Variants in G3BP2 observed in about 807,000 individuals in gnomAD.
G3BP2 encodes ras GTPase-activating protein-binding protein 2.
G3BP2 carries 11 observed loss-of-function variants against 56.7 expected under a neutral mutation model. The ratio of observed to expected loss-of-function variants is 0.19; its 90% CI spans 0.12 to 0.32. The LOEUF (loss-of-function observed/expected upper bound fraction) is 0.32. G3BP2 is among the 10% of genes least tolerant of loss of function. The pLI, the probability that G3BP2 is intolerant of heterozygous loss-of-function variation, is 1.00. For synonymous variants in G3BP2, 165 were observed against 191.6 expected (o/e 0.86, Z 1.15); for missense variants, 340 against 610.9 (o/e 0.56, Z 4.67).
upstream of G3BP2, among the ~76,000 whole-genome samples, chr4:75,674,479 T>C (rs1293247451): frequency 1.3e-5 from 2 of 151,896 alleles, no homozygotes; most frequent in Non-Finnish European, 2.9e-5. Context: ...TACAATATCT[T>C]TACCTTTAGA....
At chr4:75,723,632 A>G (rs1290578458) in intron 1 of G3BP2, among the ~76,000 whole-genome samples, 4 of 152,200 alleles carry the variant, frequency 2.6e-5, no homozygotes, top group Non-Finnish European at 5.9e-5. Context: ...CAGTGGTACT[A>G]CTGAGCACGG....
chr4:75,703,234 C>T (rs1030707752), intron 3 of G3BP2, among the ~76,000 whole-genome samples: 2 of 152,122 alleles, frequency 1.3e-5, no homozygotes, highest in South Asian at 2.1e-4. Flanking sequence ...TGATCAAACA[C>T]GAGTGTGGTG....
chr4:75,687,343 C>T (rs985443429), intron 3 of G3BP2, among the ~76,000 whole-genome samples: 2 of 152,182 alleles, frequency 1.3e-5, no homozygotes, highest in African/African-American at 4.8e-5. Context: ...TTGCCCTCTG[C>T]CATCCATGTA....
chr4:75,650,760 T>A (rs1731635965), intron 8 of G3BP2, among the ~76,000 whole-genome samples: 1 of 152,148 alleles, frequency 6.6e-6, no homozygotes, highest in Non-Finnish European at 1.5e-5. Context: ...TGGAGTGCAG[T>A]GGCACAATCA....
chr4:75,719,155 C>T (rs1720045274), intron 3 of G3BP2, among the ~76,000 whole-genome samples: 2 of 151,556 alleles, frequency 1.3e-5, no homozygotes, highest in African/African-American at 2.4e-5. Context: ...GAGACCATCC[C>T]GGCTAAAACG....
intron 8 of G3BP2, among the ~76,000 whole-genome samples, chr4:75,653,240 T>TA (rs1250618114): frequency 6.6e-6 from 1 of 152,204 alleles, no homozygotes; most frequent in African/African-American, 2.4e-5. Context: ...TACATTTATA[T>TA]ACTAACATTT....
chr4:75,671,458 G>C (rs1436447035), intron 1 of G3BP2, among the ~76,000 whole-genome samples: 2 of 152,282 alleles, frequency 1.3e-5, no homozygotes, highest in East Asian at 3.9e-4. Flanking sequence ...CAACTGCTCA[G>C]CTGCTAACTG....
intron 2 of G3BP2, among the ~76,000 whole-genome samples, chr4:75,660,908 A>T (rs1311457121): frequency 6.6e-6 from 1 of 152,202 alleles, no homozygotes; most frequent in Admixed American, 6.5e-5. Flanking sequence ...CAATCTCTGG[A>T]AAAAACAAGC....
chr4:75,658,748 G>GA, intron 3 of G3BP2, 95 bp downstream of exon 3: 2 of 804,594 alleles, frequency 2.5e-6, no homozygotes, highest in African/African-American at 1.8e-5. Context: ...GAGAAAGAAA[G>GA]AAAGAAAAAA....
intron 3 of G3BP2, among the ~76,000 whole-genome samples, chr4:75,683,549 C>T (rs892397153): frequency 1.3e-5 from 2 of 151,340 alleles, no homozygotes; most frequent in East Asian, 1.9e-4. Context: ...GGACAACGAG[C>T]GAAATTCCAT....
rs1640935565 is a variant in G3BP2 at position 75,656,967 on chromosome 4, A to G, written c.399T>C (p.Tyr133=). ...CAGAATCACCAAACACTTCATCTTCATAACGAAACATATCATTGTGAACAT... is the reference window on the plus strand; with the variant it reads ...CAGAATCACCAAACACTTCATCTTCGTAACGAAACATATCATTGTGAACAT... ...KFYVHNDMFR[Y]EDEVFGDSEP... is the part of the protein sequence containing the mutation. The change falls in exon 5 of 12, where the codon TAT becomes TAC. Residue 133 remains tyrosine, a synonymous_variant. Coordinates refer to ENST00000359707, the MANE Select transcript of G3BP2 (RefSeq NM_203505.3). 1.3e-6 allele frequency: 2 copies of G among 1,539,850 alleles called. No individual in the cohort carries two copies. Among genetic ancestry groups the G allele is most frequent in the Non-Finnish European group, 8.9e-7 (1 of 1,119,032 alleles).
intron 1 of G3BP2, among the ~76,000 whole-genome samples, chr4:75,665,250 C>CT (rs1458432790): frequency 6.6e-6 from 1 of 152,076 alleles, no homozygotes; most frequent in African/African-American, 2.4e-5. Flanking sequence ...AACTGTCCTT[C>CT]TTAAACTCTC....
chr4:75,694,032 T>TGCCCAGCC (rs949983578), intron 3 of G3BP2, among the ~76,000 whole-genome samples: 23 of 152,184 alleles, frequency 1.5e-4, no homozygotes, highest in African/African-American at 5.1e-4. Context: ...TGAGGCACTA[T>TGCCCAGCC]GCCCAGCCAT....
rs774474009 is a variant in G3BP2 at position 75,647,171 on chromosome 4, T to TA, written c.929-15dup. ...TATCTCCTCTGCCTGAGAATAGAAA[T>TA]AGAGCAGATACTAAAGTTTACAATA... On this transcript the variant is annotated splice_polypyrimidine_tract_variant and intron_variant, in intron 9 of 11. Coordinates refer to ENST00000359707, the MANE Select transcript of G3BP2 (RefSeq NM_203505.3). 2 of 1,543,596 alleles carry TA rather than the reference T, an allele frequency of 1.3e-6. No homozygotes were observed. The highest frequency in any genetic ancestry group is 2.0e-5 in the Admixed American group (1 of 50,880).
chr4:75,696,507 A>G (rs1719126571), intron 3 of G3BP2, among the ~76,000 whole-genome samples: 1 of 152,200 alleles, frequency 6.6e-6, no homozygotes, highest in African/African-American at 2.4e-5. Flanking sequence ...GGGGTCAAAA[A>G]AGCATCATGG....
At chr4:75,697,706 G>A (rs932777343) in intron 3 of G3BP2, among the ~76,000 whole-genome samples, 2 of 152,182 alleles carry the variant, frequency 1.3e-5, no homozygotes, top group Admixed American at 6.5e-5. Flanking sequence ...GGCTGAGGTG[G>A]GCTGATCACT....
chr4:75,696,861 G>A lies in G3BP2; in HGVS notation c.-25+24016C>T, dbSNP rs533923418. Among the ~76,000 whole-genome samples, 19 of 152,208 alleles carry A rather than the reference G, an allele frequency of 1.2e-4. No homozygotes were observed. In the South Asian group the frequency reaches 2.7e-3, roughly 22 times the overall value. ...CATGAAGTTAAACTCAGCACTTTCC[G>A]CACAGTAGATGCCCTACAATACTCG... On this transcript the variant is annotated intron_variant, in intron 3 of 3. Transcript: ENST00000499709.
chr4:75,723,656 G>A (rs989388701), intron 1 of G3BP2, among the ~76,000 whole-genome samples: 3 of 152,168 alleles, frequency 2.0e-5, no homozygotes, highest in African/African-American at 7.2e-5. Context: ...GCACACAGTA[G>A]AAGCAGCATA....
intron 3 of G3BP2, among the ~76,000 whole-genome samples, chr4:75,718,132 C>G (rs1489396036): frequency 3.3e-5 from 4 of 120,344 alleles, no homozygotes; most frequent in African/African-American, 8.5e-5. Context: ...GAGACTCCGT[C>G]GCAAAAAAAA....
Sources: gnomAD v4.1 joint callset for allele counts (sites outside exome capture counted in the v4.1 genomes callset) on GRCh38, gnomAD v4.1.1 for gene constraint, MANE v1.5 for transcripts, NCBI Gene and HGNC (gene_info 2026-07-23, HGNC 2026-07-21) for gene names.